Variants in LMO7 observed in about 807,000 individuals in gnomAD.
The protein encoded by LMO7 is LIM domain only protein 7.
A neutral mutation model predicts 206.5 loss-of-function variants in LMO7; 120 were observed. The observed-to-expected ratio is 0.58, with a 90% CI of 0.50 to 0.68. The LOEUF is 0.68. LMO7 is among the 30% of genes least tolerant of loss of function. The pLI is 0.00. For synonymous variants in LMO7, 706 were observed against 681.5 expected (o/e 1.04, Z -0.56); for missense variants, 1,959 against 1,957.9 (o/e 1.00, Z -0.01).
At chr13:75,773,254 G>C (rs2049978825) in intron 4 of LMO7, among the ~76,000 whole-genome samples, 1 of 152,094 alleles carries the variant, frequency 6.6e-6, no homozygotes, top group South Asian at 2.1e-4. Context: ...GTCTTTAATG[G>C]AGGTGGGCAG....
intron 1 of LMO7, among the ~76,000 whole-genome samples, chr13:75,709,377 A>T (rs1373536694): frequency 6.6e-5 from 10 of 152,282 alleles, no homozygotes; most frequent in Admixed American, 5.2e-4. Context: ...CACCACACTG[A>T]CTTCCACAAT....
At chr13:75,632,191 A>G (rs1172804406), upstream of LMO7, 1 of 152,202 alleles carries the variant, frequency 6.6e-6, no homozygotes, top group Non-Finnish European at 1.5e-5. Flanking sequence ...CTTTCTCTAT[A>G]GAGCTGTAGA....
At chr13:75,723,363 A>ATAAAG (rs140181554) in intron 2 of LMO7, among the ~76,000 whole-genome samples, 6 of 152,148 alleles carry the variant, frequency 3.9e-5, no homozygotes, top group Middle Eastern at 3.4e-3. Flanking sequence ...TGAATGACTA[A>ATAAAG]TAAATCACAG....
intron 4 of LMO7, among the ~76,000 whole-genome samples, chr13:75,793,078 G>T (rs1410501775): frequency 6.6e-6 from 1 of 152,098 alleles, no homozygotes; most frequent in African/African-American, 2.4e-5. Context: ...CAAAGTGGGA[G>T]GATGTTCAGC....
At chr13:75,660,204 G>A (rs778690549) in intron 1 of LMO7, among the ~76,000 whole-genome samples, 2 of 152,158 alleles carry the variant, frequency 1.3e-5, no homozygotes, top group Non-Finnish European at 2.9e-5. Flanking sequence ...AAAAGTCTGT[G>A]GCCTTGTGAG....
intron 22 of LMO7, 116 bp downstream of exon 22, chr13:75,840,611 A>T: frequency 8.2e-7 from 1 of 1,216,398 alleles, no homozygotes; most frequent in Non-Finnish European, 1.1e-6. Context: ...CAACTAACAA[A>T]TATTTTTGCA....
intron 3 of LMO7, among the ~76,000 whole-genome samples, chr13:75,737,862 A>C (rs1301784566): frequency 6.8e-6 from 1 of 147,350 alleles, no homozygotes; most frequent in Non-Finnish European, 1.5e-5. Flanking sequence ...AAAAAAAAAA[A>C]AACACAGTAC....
At chr13:75,852,476 C>T (rs545741463) in intron 27 of LMO7, among the ~76,000 whole-genome samples, 1 of 151,790 alleles carries the variant, frequency 6.6e-6, no homozygotes, top group Admixed American at 6.6e-5. Flanking sequence ...ACGTGTATCC[C>T]CTAAACCTAA....
rs1205355761 is a variant in LMO7, at chr13:75,858,657, T to TAA, written c.*716_*717dup. 1 of 152,690 alleles carries TAA rather than the reference T, an allele frequency of 6.5e-6. No homozygotes were observed. Among genetic ancestry groups the TAA allele is most frequent in the East Asian group, 1.9e-4 (1 of 5,198 alleles). The allele number at this position is 152,690 out of a possible 1,614,324, so 9.5% of individuals were successfully genotyped here. On this transcript the variant is annotated 3_prime_UTR_variant, in exon 31 of 31. Coordinates refer to ENST00000377534, the MANE Select transcript of LMO7 (RefSeq NM_001306080.2). The stretch of plus-strand genomic sequence containing the variant: ...CTTTCTGTTCAATTGCATTTGTAAA[T>TAA]AAACTTGCTGATGCATTTAACGAGT...
intron 3 of LMO7, among the ~76,000 whole-genome samples, chr13:75,746,620 C>A (rs2046864214): frequency 6.6e-6 from 1 of 152,200 alleles, no homozygotes; most frequent in Non-Finnish European, 1.5e-5. Flanking sequence ...GGCCTGCATT[C>A]CCCTAAAGCG....
chr13:75,770,347 G>T (rs923205807), intron 4 of LMO7, among the ~76,000 whole-genome samples: 1 of 151,992 alleles, frequency 6.6e-6, no homozygotes, highest in East Asian at 1.9e-4. Context: ...GTGGTGTGGG[G>T]AGTTTGGCTA....
intron 15 of LMO7, among the ~76,000 whole-genome samples, chr13:75,831,001 T>C (rs2058611249): frequency 6.6e-6 from 1 of 152,188 alleles, no homozygotes; most frequent in Admixed American, 6.5e-5. Context: ...CAGATTTTTT[T>C]TTTTTGTAAG....
At chr13:75,669,295 G>T (rs945880630) in intron 1 of LMO7, among the ~76,000 whole-genome samples, 2 of 152,064 alleles carry the variant, frequency 1.3e-5, no homozygotes, top group Admixed American at 6.6e-5. Context: ...AGCATTCATC[G>T]TACTTCCAGA....
Position 75,821,595 on chromosome 13 carries a change from C to G in LMO7, c.2626C>G (p.Pro876Ala). Residue 876 changes from proline (P) to alanine (A), a missense_variant, in exon 14 of 31, where the codon CCC becomes GCC. Transcript: ENST00000377534. ...TCAGACAAGGGGAATCTCATCACTC[C>G]CCAGATCTTACACGGTAAAAAATGT... ...GSQTRGISSLPRSYTMDDAWK... is the reference protein window; with the variant it reads ...GSQTRGISSLARSYTMDDAWK... 6.2e-7 allele frequency: 1 copy of G among 1,611,980 alleles called. No homozygotes were observed. Among genetic ancestry groups the G allele is most frequent in the Non-Finnish European group, 8.5e-7 (1 of 1,178,630 alleles).
At position 75,727,144 on chromosome 13, in the gene LMO7, A is replaced by T. The variant is rs375445168; in HGVS notation, c.210+46A>T. 2.1e-5 allele frequency: 27 copies of T among 1,282,702 alleles called. No homozygotes were observed. The East Asian group carries it at 6.3e-4, about 30-fold the overall frequency. 79.5% of individuals were successfully genotyped at this position (1,282,702 alleles called of 1,614,324 possible). A position where few individuals can be genotyped will look rare whatever the true frequency, so the allele number is the denominator to read the frequency against. ...ACAACTAAATTTATTTGTCTTTGAA[A>T]TGTAAAGAGGTGGGCATAGGCAGAT... On this transcript the variant is annotated intron_variant, in intron 3 of 30. Transcript: ENST00000377534.
intron 1 of LMO7, among the ~76,000 whole-genome samples, chr13:75,682,947 ATTAT>A (rs2040668099): frequency 6.6e-6 from 1 of 152,066 alleles, no homozygotes; most frequent in South Asian, 2.1e-4. Context: ...AAGTGTCCAG[ATTAT>A]TTGTTTGCCC....
rs149346449 is a variant in LMO7 at position 75,752,388 on chromosome 13, C to T, written c.211-8544C>T. The stretch of plus-strand genomic sequence containing the variant: ...CCTCAGGTGATCCACCCACCTCAGC[C>T]TCCCACAGTGCTGGGATTACAGGCA... On this transcript the variant is annotated intron_variant, in intron 3 of 30. Coordinates refer to ENST00000377534, the MANE Select transcript of LMO7 (RefSeq NM_001306080.2). 4.3e-3 allele frequency among the ~76,000 whole-genome samples: 657 copies of T among 152,268 alleles called. 6 individuals carry two copies. The highest frequency in any genetic ancestry group is 0.015 in the African/African-American group (631 of 41,536).
At chr13:75,739,713 GTTGTTCC>G (rs2046264446) in intron 3 of LMO7, among the ~76,000 whole-genome samples, 1 of 152,156 alleles carries the variant, frequency 6.6e-6, no homozygotes, top group Non-Finnish European at 1.5e-5. Flanking sequence ...GACACATCGG[GTTGTTCC>G]TTTCCAGCAG....
intron 1 of LMO7, among the ~76,000 whole-genome samples, chr13:75,667,673 T>C (rs1490168130): frequency 2.0e-5 from 3 of 152,208 alleles, no homozygotes. Context: ...CATGAGCATA[T>C]TTTCCTTTCC....
Sources: allele counts gnomAD v4.1 joint callset (sites outside exome capture counted in the v4.1 genomes callset), GRCh38; gene constraint gnomAD v4.1.1; transcripts MANE v1.5; gene names NCBI Gene and HGNC (gene_info 2026-07-23, HGNC 2026-07-21).